ANP32A: variants seen among roughly 807,000 people sequenced by gnomAD.
The protein encoded by ANP32A is acidic leucine-rich nuclear phosphoprotein 32 family member A.
A neutral mutation model predicts 33.9 loss-of-function variants in ANP32A; 1 was observed. That is an observed-to-expected ratio of 0.03 (90% CI 0.01 to 0.14). ANP32A has a LOEUF of 0.14. ANP32A is among the 10% of genes least tolerant of loss of function. The probability of loss-of-function intolerance (pLI) is 1.00; values close to 1 mark genes in which losing one functional copy is unlikely to be tolerated. For synonymous variants in ANP32A, 115 were observed against 120.5 expected, an observed-to-expected ratio of 0.95 and a Z score of 0.30; for missense variants, 155 against 306.0, an observed-to-expected ratio of 0.51 and a Z score of 3.68.
intron 1 of ANP32A, among the ~76,000 whole-genome samples, chr15:68,810,157 C>A (rs1471231625): frequency 2.0e-5 from 3 of 152,166 alleles, no homozygotes; most frequent in African/African-American, 4.8e-5. Context: ...GGCAAGGGAA[C>A]AGATGACGGG....
chr15:68,810,618 A>G (rs1386804694), intron 1 of ANP32A, among the ~76,000 whole-genome samples: 1 of 152,230 alleles, frequency 6.6e-6, no homozygotes, highest in Admixed American at 6.5e-5. Flanking sequence ...TGGAGAGAAT[A>G]CAGGATAAGA....
intron 1 of ANP32A, among the ~76,000 whole-genome samples, chr15:68,797,420 G>T (rs1894077399): frequency 6.6e-6 from 1 of 152,162 alleles, no homozygotes; most frequent in African/African-American, 2.4e-5. Flanking sequence ...AAGCCACAGA[G>T]AATGAAGACC....
chr15:68,812,027 C>T (rs1174144831), intron 1 of ANP32A, among the ~76,000 whole-genome samples: 1 of 56,548 alleles, frequency 1.8e-5, no homozygotes, highest in Admixed American at 2.6e-4. Flanking sequence ...CTGCGCCTGG[C>T]CCTAAGTTGT....
intron 1 of ANP32A, among the ~76,000 whole-genome samples, chr15:68,805,291 C>T (rs1340874159): frequency 2.0e-5 from 3 of 152,244 alleles, no homozygotes; most frequent in Non-Finnish European, 4.4e-5. Context: ...CAAAATTGGG[C>T]GGTGTCTCCG....
chr15:68,807,518 C>T (rs190241096), intron 1 of ANP32A, among the ~76,000 whole-genome samples: 1 of 151,858 alleles, frequency 6.6e-6, no homozygotes, highest in East Asian at 1.9e-4. Flanking sequence ...TGGGGCAGGC[C>T]GAGACAGCTC....
intron 4 of ANP32A, among the ~76,000 whole-genome samples, chr15:68,783,674 T>A (rs750060644): frequency 2.6e-5 from 4 of 152,226 alleles, no homozygotes; most frequent in Admixed American, 2.0e-4. Flanking sequence ...ATGGGAAAGC[T>A]GCACTGTGCT....
At chr15:68,787,725 T>TGGG in intron 2 of ANP32A, 45 bp downstream of exon 2, 3 of 1,597,686 alleles carry the variant, frequency 1.9e-6, no homozygotes, top group Non-Finnish European at 2.6e-6. Context: ...CCCTTCCCAC[T>TGGG]CCCCACCCCC....
chr15:68,799,692 G>A (rs1393403667), intron 1 of ANP32A, among the ~76,000 whole-genome samples: 1 of 152,148 alleles, frequency 6.6e-6, no homozygotes, highest in African/African-American at 2.4e-5. Context: ...CTTGGTCAGG[G>A]TCCCAAAACA....
chr15:68,799,408 T>C (rs1894102161), intron 1 of ANP32A, among the ~76,000 whole-genome samples: 2 of 152,206 alleles, frequency 1.3e-5, no homozygotes, highest in Admixed American at 1.3e-4. Context: ...CCTACACTTG[T>C]TGTTTTTTAA....
At chr15:68,797,165 A>AC (rs1567036581) in intron 1 of ANP32A, among the ~76,000 whole-genome samples, 1 of 152,084 alleles carries the variant, frequency 6.6e-6, no homozygotes, top group Non-Finnish European at 1.5e-5. Flanking sequence ...ATATAAAAAC[A>AC]CCCCCCAGAG....
chr15:68,811,841 A>C (rs148442050), intron 1 of ANP32A, among the ~76,000 whole-genome samples: 2,391 of 151,872 alleles, frequency 0.016, 58 homozygotes, highest in African/African-American at 0.048. Context: ...GGTTCAAGCG[A>C]TTCTCCTGCC....
intron 1 of ANP32A, among the ~76,000 whole-genome samples, chr15:68,799,863 T>C (rs1320960600): frequency 2.6e-5 from 4 of 152,340 alleles, no homozygotes; most frequent in East Asian, 1.9e-4. Flanking sequence ...ATGATCACTA[T>C]CTCTCTCCAC....
rs139746388 is a variant in ANP32A, at chr15:68,796,312, C to T, written c.55-8393G>A. Among the ~76,000 whole-genome samples the T allele has an allele frequency of 6.5e-3, 990 of 152,218 alleles. 7 individuals are homozygous for T. The highest frequency in any genetic ancestry group is 0.022 in the African/African-American group (931 of 41,514). ...GTCAGGCTGGTCTTCAACTCCTGAC[C>T]TCATGTGATCCACCTGCCTCCGCCT... On this transcript the variant is annotated intron_variant, in intron 1 of 6. Coordinates refer to ENST00000465139, the MANE Select transcript of ANP32A (RefSeq NM_006305.4).
At chr15:68,801,645 C>T (rs1165451933) in intron 1 of ANP32A, among the ~76,000 whole-genome samples, 5 of 152,194 alleles carry the variant, frequency 3.3e-5, no homozygotes, top group Non-Finnish European at 5.9e-5. Context: ...TTCCCCCACA[C>T]TGCCTTGCAC....
intron 1 of ANP32A, among the ~76,000 whole-genome samples, chr15:68,815,029 G>A (rs1031748679): frequency 7.9e-5 from 12 of 152,210 alleles, no homozygotes; most frequent in African/African-American, 1.9e-4. Context: ...AACTCTAGAC[G>A]AGAAGTGCTT....
At chr15:68,812,793 G>A (rs1257526894) in intron 1 of ANP32A, among the ~76,000 whole-genome samples, 3 of 152,198 alleles carry the variant, frequency 2.0e-5, no homozygotes, top group Middle Eastern at 3.2e-3. Context: ...ACACAGGAAT[G>A]CGTGTACATA....
At chr15:68,810,997 T>C (rs1013474727) in intron 1 of ANP32A, among the ~76,000 whole-genome samples, 5 of 148,290 alleles carry the variant, frequency 3.4e-5, no homozygotes, top group Non-Finnish European at 5.9e-5. Flanking sequence ...GAGGTCGAGG[T>C]TGCAGTGAGC....
intron 1 of ANP32A, among the ~76,000 whole-genome samples, chr15:68,795,812 G>T (rs975675177): frequency 4.6e-5 from 7 of 152,094 alleles, no homozygotes; most frequent in Non-Finnish European, 8.8e-5. Context: ...CCTTCCAGCT[G>T]GTATAGACTC....
At chr15:68,807,342 G>A (rs1044833249) in intron 1 of ANP32A, among the ~76,000 whole-genome samples, 9 of 148,016 alleles carry the variant, frequency 6.1e-5, no homozygotes, top group Non-Finnish European at 3.0e-5. Flanking sequence ...GAGCCAGCGC[G>A]ACAGCCCCCA....
Sources: allele counts gnomAD v4.1 joint callset (sites outside exome capture counted in the v4.1 genomes callset), GRCh38; gene constraint gnomAD v4.1.1; transcripts MANE v1.5; gene names NCBI Gene and HGNC (gene_info 2026-07-23, HGNC 2026-07-21).